Variants in KANSL1 observed in about 807,000 individuals in gnomAD.
The protein encoded by KANSL1 is KAT8 regulatory NSL complex subunit 1.
In KANSL1, 22 loss-of-function variants were observed where a neutral mutation model predicts 103.6. The observed-to-expected ratio is 0.21, with a 90% CI of 0.15 to 0.30. KANSL1 has a LOEUF of 0.30. Ranked by LOEUF, KANSL1 falls within the 10% of genes least tolerant of loss-of-function variation. The probability of loss-of-function intolerance (pLI) is 1.00; values close to 1 mark genes in which losing one functional copy is unlikely to be tolerated. For missense variants in KANSL1, 1,337 were observed against 1,399.8 expected (o/e 0.96, Z 0.72); for synonymous variants, 600 against 527.6 (o/e 1.14, Z -1.88).
Position 46,044,523 on chromosome 17 carries a change from G to C in KANSL1, c.2021-4639C>G, listed in dbSNP as rs2077436216. 5 of 152,306 alleles carry C rather than the reference G, an allele frequency of 3.3e-5. No homozygotes were observed. In the South Asian group the frequency reaches 1.0e-3, roughly 32 times the overall value. The allele number at this position is 152,306 out of a possible 1,614,324, so 9.4% of individuals were successfully genotyped here. On this transcript the variant is annotated intron_variant, in intron 7 of 14. Transcript: ENST00000432791. ...TCTCAAAATACCACAGATCTTCATGGCCAGCAGGTGGTGCTCTTATTAAGC... is the reference window on the plus strand; with the variant it reads ...TCTCAAAATACCACAGATCTTCATGCCCAGCAGGTGGTGCTCTTATTAAGC...
At chr17:46,185,706 C>T (rs112920523) in intron 1 of KANSL1, among the ~76,000 whole-genome samples, 16,098 of 149,164 alleles carry the variant, frequency 0.11, 1,180 homozygotes, top group Non-Finnish European at 0.16. Flanking sequence ...CACACACACA[C>T]ACACACACAC....
At chr17:46,055,587 T>C (rs1373124406) in intron 6 of KANSL1, among the ~76,000 whole-genome samples, 1 of 152,068 alleles carries the variant, frequency 6.6e-6, no homozygotes, top group Non-Finnish European at 1.5e-5. Context: ...TACAAATTAA[T>C]GCAGAATCTT....
chr17:46,148,899 TAA>T (rs202016754), intron 2 of KANSL1, among the ~76,000 whole-genome samples: 47 of 138,820 alleles, frequency 3.4e-4, no homozygotes, highest in African/African-American at 4.8e-4. Context: ...TGCTTACACT[TAA>T]AAAAAAAAAA....
chr17:46,179,313 A>G (rs1299392401), intron 1 of KANSL1, among the ~76,000 whole-genome samples: 2 of 152,240 alleles, frequency 1.3e-5, no homozygotes, highest in African/African-American at 4.8e-5. Flanking sequence ...CCCACAAATG[A>G]AAACCTCATT....
chr17:46,171,277 C>T lies in KANSL1; in HGVS notation c.867G>A (p.Arg289=). The part of the protein sequence containing the change: ...DSDTRITALL[R]RQADIESRAR... ...CACGGCTCTCAATGTCAGCCTGTCG[C>T]CGCAGTAAAGCTGTTATCCTTGTGT... The change falls in exon 2 of 15, where the codon CGG becomes CGA. Residue 289 remains arginine, a synonymous_variant. Transcript: ENST00000432791. 1 of 1,614,100 alleles carries T rather than the reference C, an allele frequency of 6.2e-7. No individual in the cohort carries two copies. Among genetic ancestry groups the T allele is most frequent in the Non-Finnish European group, 8.5e-7 (1 of 1,180,034 alleles).
chr17:46,219,451 C>T (rs1480271681), intron 1 of KANSL1, among the ~76,000 whole-genome samples: 6 of 152,218 alleles, frequency 3.9e-5, no homozygotes, highest in Admixed American at 3.3e-4. Flanking sequence ...CAACCTCCAC[C>T]TCCCAGGCTC....
Position 46,171,599 on chromosome 17 carries a change from G to A in KANSL1, c.545C>T (p.Ala182Val). The change falls in exon 2 of 15, where the codon GCT becomes GTT. Residue 182 changes from alanine (A) to valine (V), a missense_variant. By Grantham distance (64) the Ala-to-Val change is moderately conservative. Transcript: ENST00000432791. ...CCCATGAAGAGCAGATGAAGTGAGA[G>A]CCCGTTTTCCCCCATTGAGGGAAGT... ...NSTSLNGGKR[A>V]LTSSALHGGE... 6.3e-7 allele frequency: 1 copy of A among 1,587,060 alleles called. No individual in the cohort carries two copies. The highest frequency in any genetic ancestry group is 8.6e-7 in the Non-Finnish European group (1 of 1,169,218).
chr17:46,173,610 T>C (rs530038300), intron 1 of KANSL1, among the ~76,000 whole-genome samples: 1 of 152,350 alleles, frequency 6.6e-6, no homozygotes, highest in East Asian at 1.9e-4. Flanking sequence ...ACTAGAATAT[T>C]ATCTGCCTTT....
At chr17:46,121,638 A>G (rs955205949) in intron 2 of KANSL1, among the ~76,000 whole-genome samples, 7 of 152,154 alleles carry the variant, frequency 4.6e-5, no homozygotes, top group Admixed American at 2.0e-4. Context: ...CTGCAACCAA[A>G]TATATATTCT....
chr17:46,156,417 C>G (rs965116946), intron 2 of KANSL1, among the ~76,000 whole-genome samples: 4 of 152,152 alleles, frequency 2.6e-5, no homozygotes, highest in Admixed American at 2.6e-4. Context: ...ATATGGAGAA[C>G]TCCTGCACTG....
intron 6 of KANSL1, among the ~76,000 whole-genome samples, chr17:46,065,969 T>A (rs978350135): frequency 1.3e-5 from 2 of 152,236 alleles, no homozygotes; most frequent in African/African-American, 4.8e-5. Flanking sequence ...GTTCAAGCAA[T>A]CCTGCCTCGG....
At chr17:46,107,012 C>A (rs930435949) in intron 2 of KANSL1, among the ~76,000 whole-genome samples, 5 of 152,160 alleles carry the variant, frequency 3.3e-5, no homozygotes, top group African/African-American at 1.2e-4. Flanking sequence ...TAGTTAAAGG[C>A]CCCAGGACTA....
intron 4 of KANSL1, among the ~76,000 whole-genome samples, chr17:46,074,020 T>A (rs1011523224): frequency 6.6e-6 from 1 of 152,106 alleles, no homozygotes; most frequent in Non-Finnish European, 1.5e-5. Flanking sequence ...CCTGTGAGCA[T>A]AGATACATAT....
intron 4 of KANSL1, among the ~76,000 whole-genome samples, chr17:46,070,968 C>T (rs1348984350): frequency 6.6e-6 from 1 of 152,094 alleles, no homozygotes; most frequent in Non-Finnish European, 1.5e-5. Flanking sequence ...AAACATTTAT[C>T]TTTCTTATAC....
At chr17:46,184,799 A>G (rs1405800176) in intron 1 of KANSL1, among the ~76,000 whole-genome samples, 1 of 147,568 alleles carries the variant, frequency 6.8e-6, no homozygotes. Flanking sequence ...ATATAAACTC[A>G]CAATTTTGTC....
chr17:46,033,376 C>T, intron 12 of KANSL1, 27 bp downstream of exon 12: 1 of 1,610,706 alleles, frequency 6.2e-7, no homozygotes, highest in Non-Finnish European at 8.5e-7. Flanking sequence ...CACACGTGTT[C>T]TTCTAACAGA....
chr17:46,072,810 C>T (rs2078625271), intron 4 of KANSL1, among the ~76,000 whole-genome samples: 1 of 152,122 alleles, frequency 6.6e-6, no homozygotes, highest in Non-Finnish European at 1.5e-5. Flanking sequence ...CAATTTTGAA[C>T]TCATTTTTTT....
chr17:46,115,007 G>A (rs577415996), intron 2 of KANSL1, among the ~76,000 whole-genome samples: 6 of 152,208 alleles, frequency 3.9e-5, no homozygotes, highest in East Asian at 3.9e-4. Context: ...TAAAGTCCAC[G>A]AATTTTTTTC....
intron 2 of KANSL1, among the ~76,000 whole-genome samples, chr17:46,111,718 T>C (rs78695434): frequency 0.054 from 8,295 of 152,278 alleles, 754 homozygotes; most frequent in African/African-American, 0.19. Flanking sequence ...ACATTGTATT[T>C]AATTGTTGAT....
Sources: gnomAD v4.1 joint callset for allele counts (sites outside exome capture counted in the v4.1 genomes callset) on GRCh38, gnomAD v4.1.1 for gene constraint, MANE v1.5 for transcripts, NCBI Gene and HGNC (gene_info 2026-07-23, HGNC 2026-07-21) for gene names.